The following OXR1 variants were observed in gnomAD, a reference collection of about 807,000 sequenced individuals.
OXR1 encodes the protein oxidation resistance protein 1.
Under a neutral mutation model 104.6 loss-of-function variants are expected in OXR1, and 41 were observed. That is an observed-to-expected ratio of 0.39 (90% CI 0.31 to 0.51). The LOEUF is 0.51. Among genes scored for constraint, OXR1 ranks in the 20% least tolerant of loss-of-function variants. The pLI, the probability that OXR1 is intolerant of heterozygous loss-of-function variation, is 0.77. For missense variants in OXR1, 955 were observed against 1,031.9 expected (o/e 0.93, Z 1.02); for synonymous variants, 348 against 348.4 (o/e 1.00, Z 0.01).
intron 3 of OXR1, among the ~76,000 whole-genome samples, chr8:106,652,605 C>A: frequency 6.9e-6 from 1 of 145,128 alleles, no homozygotes; most frequent in African/African-American, 2.6e-5. Context: ...ATTTGTGGGA[C>A]AGAACTAATG....
intron 2 of OXR1, among the ~76,000 whole-genome samples, chr8:106,487,557 A>G (rs1289492868): frequency 6.6e-6 from 1 of 151,560 alleles, no homozygotes; most frequent in Non-Finnish European, 1.5e-5. Flanking sequence ...ATATCTCCCG[A>G]TGCTATCCCT....
At chr8:106,365,782 C>G (rs1320809216) in intron 2 of OXR1, among the ~76,000 whole-genome samples, 2 of 152,124 alleles carry the variant, frequency 1.3e-5, no homozygotes, top group African/African-American at 4.8e-5. Flanking sequence ...CTTCTTGTAT[C>G]TCCCTCAAAT....
chr8:106,317,197 G>A (rs1451325603), intron 1 of OXR1, among the ~76,000 whole-genome samples: 1 of 152,112 alleles, frequency 6.6e-6, no homozygotes, highest in Non-Finnish European at 1.5e-5. Context: ...TCTTTTTTAA[G>A]GCAAATAGAG....
At chr8:106,292,756 A>C (rs1812810521) in intron 1 of OXR1, among the ~76,000 whole-genome samples, 1 of 152,226 alleles carries the variant, frequency 6.6e-6, no homozygotes, top group Admixed American at 6.5e-5. Flanking sequence ...GGATAAGAAG[A>C]CAGGGAGGCA....
chr8:106,271,014 G>T (rs1465221153), intron 1 of OXR1, among the ~76,000 whole-genome samples: 1 of 152,078 alleles, frequency 6.6e-6, no homozygotes, highest in African/African-American at 2.4e-5. Context: ...GCCACATGTT[G>T]GGAACTGGCT....
chr8:106,656,432 C>A (rs537799335), intron 3 of OXR1: 1 of 152,214 alleles, frequency 6.6e-6, no homozygotes, highest in Non-Finnish European at 1.5e-5. Context: ...CGCATTCATG[C>A]GGCCTCTATG....
chr8:106,725,154 G>A (rs778740411), intron 11 of OXR1, among the ~76,000 whole-genome samples: 2 of 152,088 alleles, frequency 1.3e-5, no homozygotes, highest in African/African-American at 2.4e-5. Flanking sequence ...GGCTGAATGA[G>A]AGGAATAGGG....
rs530734886 is a variant in OXR1, at chr8:106,507,884, C to G, written c.24-11059C>G. Among the ~76,000 whole-genome samples the G allele has an allele frequency of 2.0e-4, 31 of 152,306 alleles. No homozygotes were observed. The South Asian group carries it at 6.0e-3, about 30-fold the overall frequency. On this transcript the variant is annotated intron_variant, in intron 2 of 16. Transcript: ENST00000517566. ...TCAAAGAGAATGTTGGCTTTTCTTT[C>G]ATTCTCCCTGACTCATGCCTCCCCA...
At chr8:106,549,034 T>C (rs954953455) in intron 3 of OXR1, among the ~76,000 whole-genome samples, 1 of 152,018 alleles carries the variant, frequency 6.6e-6, no homozygotes, top group African/African-American at 2.4e-5. Context: ...TTCTGTTGCC[T>C]GCAAAGATTA....
Position 106,710,774 on chromosome 8 carries a change from G to A in OXR1, c.1777G>A (p.Ala593Thr). 1 of 1,514,868 alleles carries A rather than the reference G, an allele frequency of 6.6e-7. No homozygotes were observed. The highest frequency in any genetic ancestry group is 8.9e-7 in the Non-Finnish European group (1 of 1,128,866). 93.8% of individuals were successfully genotyped at this position (1,514,868 alleles called of 1,614,324 possible). Residue 593 changes from alanine to threonine, a missense_variant, in exon 10 of 17, where the codon GCT becomes ACT. Around this residue, in one of 2 missense-constraint regions of OXR1, gnomAD observed 849 missense variants for 852.9 expected, o/e 1.00. Transcript: ENST00000517566. ...AGATAAGAAACATGAATATTGGTTT[G>A]CTGTGCCACAAGAAAGGTAAAAAAC... ...QRDKKHEYWF[A>T]VPQERTDHLY...
chr8:106,312,662 C>G (rs1394831682), intron 1 of OXR1, among the ~76,000 whole-genome samples: 1 of 152,070 alleles, frequency 6.6e-6, no homozygotes, highest in Non-Finnish European at 1.5e-5. Flanking sequence ...GTTGTTGCAC[C>G]TATATGAATT....
In OXR1 at chr8:106,683,280, T is replaced by C. The variant is rs1828359832; in HGVS notation, c.385T>C (p.Phe129Leu). 1 of 1,593,168 alleles carries C rather than the reference T, an allele frequency of 6.3e-7. No individual in the cohort carries two copies. Among genetic ancestry groups the C allele is most frequent in the Non-Finnish European group, 8.6e-7 (1 of 1,161,442 alleles). ...PNELVQLNKL[F>L]SRAVVTGQVL... ...CGAACTTGTTCAATTAAATAAGTTATTCTCCCGAGCAGTTGTTACTGGACA... is the reference window on the plus strand; with the variant it reads ...CGAACTTGTTCAATTAAATAAGTTACTCTCCCGAGCAGTTGTTACTGGACA... Residue 129 changes from phenylalanine to leucine, a missense_variant, in exon 5 of 17, where the codon TTC (phenylalanine) becomes CTC (leucine). By Grantham distance (22) the Phe-to-Leu change is conservative. Around this residue, in one of 2 missense-constraint regions of OXR1, gnomAD observed 849 missense variants for 852.9 expected, o/e 1.00. Coordinates refer to ENST00000517566, the MANE Select transcript of OXR1 (RefSeq NM_001198533.2).
intron 15 of OXR1, among the ~76,000 whole-genome samples, chr8:106,744,556 G>A (rs1413674839): frequency 6.6e-6 from 1 of 152,110 alleles, no homozygotes; most frequent in African/African-American, 2.4e-5. Context: ...AGTCATGAAA[G>A]CATAAAAAAT....
chr8:106,297,580 A>C (rs995824064), intron 1 of OXR1, among the ~76,000 whole-genome samples: 1 of 152,180 alleles, frequency 6.6e-6, no homozygotes, highest in Non-Finnish European at 1.5e-5. Context: ...GTGTATCTAA[A>C]TATTGCTAAA....
chr8:106,368,394 GTTTTA>G (rs1220029329), intron 2 of OXR1, among the ~76,000 whole-genome samples: 35 of 151,880 alleles, frequency 2.3e-4, no homozygotes, highest in Non-Finnish European at 5.9e-5. Flanking sequence ...GTTTTGTTTT[GTTTTA>G]TTGCATTTTA....
intron 2 of OXR1, among the ~76,000 whole-genome samples, chr8:106,403,079 C>T (rs761710487): frequency 2.8e-4 from 42 of 152,176 alleles, no homozygotes; most frequent in Non-Finnish European, 4.4e-5. Flanking sequence ...CTCGGCCTCC[C>T]GAAGGGGTCC....
chr8:106,433,218 C>T (rs1819433727), intron 2 of OXR1, among the ~76,000 whole-genome samples: 1 of 151,950 alleles, frequency 6.6e-6, no homozygotes, highest in Non-Finnish European at 1.5e-5. Context: ...TCATAGGGGG[C>T]CAAAGTTAGG....
chr8:106,372,457 C>T (rs910843079), intron 2 of OXR1, among the ~76,000 whole-genome samples: 3 of 151,914 alleles, frequency 2.0e-5, no homozygotes, highest in Non-Finnish European at 2.9e-5. Flanking sequence ...TCTAGTCAGC[C>T]ATCTTGGCCT....
At chr8:106,543,038 G>C (rs1445486421) in intron 3 of OXR1, among the ~76,000 whole-genome samples, 1 of 152,050 alleles carries the variant, frequency 6.6e-6, no homozygotes, top group Non-Finnish European at 1.5e-5. Context: ...ATTTTTATGA[G>C]TCCTATTTTA....
Sources: allele counts gnomAD v4.1 joint callset (sites outside exome capture counted in the v4.1 genomes callset), GRCh38; gene constraint gnomAD v4.1.1; regional missense constraint gnomAD v4.1.1; transcripts MANE v1.5; gene names NCBI Gene and HGNC (gene_info 2026-07-23, HGNC 2026-07-21).